Variants in GATA4 observed in about 807,000 individuals in gnomAD.
GATA4 encodes the protein transcription factor GATA-4.
Under a neutral mutation model 37.9 loss-of-function variants are expected in GATA4, and 7 were observed. The observed-to-expected ratio is 0.18, with a 90% CI of 0.11 to 0.35. GATA4 has a LOEUF of 0.35. Among genes scored for constraint, GATA4 ranks in the 10% least tolerant of loss-of-function variants. GATA4 has a pLI of 1.00. For synonymous variants in GATA4, 372 were observed against 292.6 expected, an observed-to-expected ratio of 1.27 and a Z score of -2.77; for missense variants, 647 against 653.0, an observed-to-expected ratio of 0.99 and a Z score of 0.10.
intron 5 of GATA4, chr8:11,756,614 G>T (rs1001770989): frequency 9.3e-6 from 4 of 427,846 alleles, no homozygotes; most frequent in African/African-American, 8.1e-5. Context: ...ATTATCTCAG[G>T]CCCTGCTGGA....
chr8:11,681,527 G>C lies in GATA4; in HGVS notation c.-274+4464G>C, dbSNP rs1055975105. ...GGGGGGGATGGGGTCGGTCCCTCTCGGGAACGGCTGCTGTTGTTTCTTTAG... is the reference window on the plus strand; with the variant it reads ...GGGGGGGATGGGGTCGGTCCCTCTCCGGAACGGCTGCTGTTGTTTCTTTAG... On this transcript the variant is annotated intron_variant, in intron 1 of 6. Transcript: ENST00000528712. 15 of 913,964 alleles carry C rather than the reference G, an allele frequency of 1.6e-5. No homozygotes were observed. In the South Asian group the frequency reaches 7.1e-4, roughly 43 times the overall value. The allele number at this position is 913,964 out of a possible 1,614,324, so 56.6% of individuals were successfully genotyped here.
chr8:11,693,600 G>GACA (rs1799410072), intron 1 of GATA4, among the ~76,000 whole-genome samples: 1 of 146,124 alleles, frequency 6.8e-6, no homozygotes, highest in African/African-American at 2.6e-5. Flanking sequence ...GAGAGACAGA[G>GACA]GATTGATTCA....
chr8:11,683,485 C>G (rs985009398), intron 1 of GATA4, among the ~76,000 whole-genome samples: 3 of 152,146 alleles, frequency 2.0e-5, no homozygotes, highest in African/African-American at 7.2e-5. Flanking sequence ...TTCAAACTCA[C>G]CCATCAAGGG....
chr8:11,714,452 C>T (rs979064210), intron 2 of GATA4, among the ~76,000 whole-genome samples: 22 of 152,206 alleles, frequency 1.4e-4, no homozygotes, highest in African/African-American at 4.8e-4. Context: ...CTTTCAAAGC[C>T]GGTTCATTTG....
At chr8:11,722,944 A>G (rs1215790039) in intron 2 of GATA4, among the ~76,000 whole-genome samples, 2 of 152,370 alleles carry the variant, frequency 1.3e-5, no homozygotes, top group Non-Finnish European at 1.5e-5. Context: ...GGCAGGATAC[A>G]TGCCTGCTAC....
chr8:11,736,752 G>C (rs566271196), intron 2 of GATA4, among the ~76,000 whole-genome samples: 6 of 152,300 alleles, frequency 3.9e-5, no homozygotes, highest in Middle Eastern at 3.4e-3. Context: ...AGTGACAGAA[G>C]AATCACTGGT....
chr8:11,751,348 G>A (rs1293823780), intron 4 of GATA4, among the ~76,000 whole-genome samples: 1 of 152,158 alleles, frequency 6.6e-6, no homozygotes, highest in African/African-American at 2.4e-5. Context: ...ATAATTTATA[G>A]GTGGTTGCTT....
intron 4 of GATA4, among the ~76,000 whole-genome samples, chr8:11,751,306 A>G (rs1284383369): frequency 6.6e-6 from 1 of 152,216 alleles, no homozygotes; most frequent in Non-Finnish European, 1.5e-5. Context: ...ACTACCTACT[A>G]TGGCACTATT....
At position 11,751,260 on chromosome 8, in the gene GATA4, A is replaced by G. The variant is rs78141752; in HGVS notation, c.912+1024A>G. On this transcript the variant is annotated intron_variant, in intron 4 of 6. Coordinates refer to ENST00000532059, the MANE Select transcript of GATA4 (RefSeq NM_001308093.3). ...TTTAATTTTTATTGGAACATTCTCC[A>G]TTATACAATATTAACAAAAAGGCAA... 2.6e-3 allele frequency among the ~76,000 whole-genome samples: 399 copies of G among 152,344 alleles called. 20 individuals are homozygous for G. The East Asian group carries it at 0.07, about 27-fold the overall frequency.
Position 11,757,085 on chromosome 8 carries a change from T to C in GATA4, c.1149+2T>C. On this transcript the variant is annotated splice_donor_variant, in intron 6 of 6. Transcript: ENST00000532059. LOFTEE classifies it high-confidence loss of function. Reference sequence around the variant, plus strand: ...GGGCACAGCAGCTCCGTGTCCCAGGTACGCGCCATGGCTGGGGCGCCAGGG... The same window carrying C: ...GGGCACAGCAGCTCCGTGTCCCAGGCACGCGCCATGGCTGGGGCGCCAGGG... The C allele has an allele frequency of 1.9e-6, 3 of 1,613,742 alleles. No homozygotes were observed. The highest frequency in any genetic ancestry group is 2.5e-6 in the Non-Finnish European group (3 of 1,179,716).
intron 2 of GATA4, among the ~76,000 whole-genome samples, chr8:11,716,748 C>T (rs192905153): frequency 1.1e-3 from 171 of 152,308 alleles, no homozygotes; most frequent in African/African-American, 4.0e-3. Flanking sequence ...AACCACTAAC[C>T]GGCTGCAGCG....
intron 1 of GATA4, chr8:11,681,361 C>A (rs1184227098): frequency 1.0e-6 from 1 of 985,250 alleles, no homozygotes; most frequent in Non-Finnish European, 1.2e-6. Flanking sequence ...GCACTCGTCC[C>A]CCTAGGTCTC....
intron 1 of GATA4, among the ~76,000 whole-genome samples, chr8:11,705,363 C>A (rs547978940): frequency 6.6e-6 from 1 of 152,202 alleles, no homozygotes; most frequent in Non-Finnish European, 1.5e-5. Context: ...AGCGTGCGAC[C>A]GTCCTCCTCG....
At chr8:11,700,105 C>T (rs1799625071), upstream of GATA4, among the ~76,000 whole-genome samples, 1 of 152,152 alleles carries the variant, frequency 6.6e-6, no homozygotes, top group Non-Finnish European at 1.5e-5. Context: ...ACCGTCTTTC[C>T]CTTCCTCTTG....
chr8:11,729,845 ATTAG>A (rs1320725607), intron 2 of GATA4, among the ~76,000 whole-genome samples: 2 of 152,202 alleles, frequency 1.3e-5, no homozygotes, highest in African/African-American at 4.8e-5. Context: ...GGAGTTACTT[ATTAG>A]TTAGTCGTTA....
chr8:11,685,212 A>T lies in GATA4; in HGVS notation c.-274+8149A>T, dbSNP rs557601743. Among the ~76,000 whole-genome samples the T allele has an allele frequency of 4.1e-4, 63 of 152,360 alleles. 2 individuals are homozygous for T. Among genetic ancestry groups the T allele is most frequent in the African/African-American group, 1.4e-3 (59 of 41,586 alleles). On this transcript the variant is annotated intron_variant, in intron 1 of 6. Coordinates refer to the GATA4 transcript ENST00000528712. Reference sequence around the variant, plus strand: ...TTATGTTTTCTTAAGATATTCAATGACATGGGAAGTCTCGATTCTTAAGAA... The same window carrying T: ...TTATGTTTTCTTAAGATATTCAATGTCATGGGAAGTCTCGATTCTTAAGAA...
chr8:11,708,548 G>A lies in GATA4; in HGVS notation c.236G>A (p.Gly79Glu). Reference sequence around the variant, plus strand: ...TCCGGTGGGGCCGCGTCTGGTGCGGGGCCCGGGACCCAGCAGGGCAGCCCG... The same window carrying A: ...TCCGGTGGGGCCGCGTCTGGTGCGGAGCCCGGGACCCAGCAGGGCAGCCCG... ...GSSGGAASGA[G>E]PGTQQGSPGW... is the part of the protein sequence containing the mutation. Residue 79 changes from glycine (G) to glutamate (E), a missense_variant, in exon 2 of 7, where the codon GGG becomes GAG. By Grantham distance (98) the Gly-to-Glu change is moderately conservative. Transcript: ENST00000532059. The surrounding 1 kb of genome is among the most constrained non-coding windows in gnomAD (Gnocchi z 6.7). 1 of 1,416,670 alleles carries A rather than the reference G, an allele frequency of 7.1e-7. No homozygotes were observed. The highest frequency in any genetic ancestry group is 9.1e-7 in the Non-Finnish European group (1 of 1,093,178). The allele number at this position is 1,416,670 out of a possible 1,614,324, so 87.8% of individuals were successfully genotyped here. A position where few individuals can be genotyped will look rare whatever the true frequency, so the allele number is the denominator to read the frequency against.
chr8:11,748,015 G>T (rs976352414), intron 2 of GATA4, among the ~76,000 whole-genome samples: 4 of 151,762 alleles, frequency 2.6e-5, no homozygotes, highest in Admixed American at 6.6e-5. Context: ...ACCATTTGAG[G>T]TCAGGAGTTT....
At chr8:11,679,781 G>C (rs1798896134) in intron 1 of GATA4, among the ~76,000 whole-genome samples, 1 of 152,234 alleles carries the variant, frequency 6.6e-6, no homozygotes, top group African/African-American at 2.4e-5. Context: ...TCGGGAGGGA[G>C]ATGGAGACCC....
Sources: gnomAD v4.1 joint callset for allele counts (sites outside exome capture counted in the v4.1 genomes callset) on GRCh38, gnomAD v4.1.1 for gene constraint, Gnocchi (gnomAD v3.1) non-coding constraint, MANE v1.5 for transcripts, NCBI Gene and HGNC (gene_info 2026-07-23, HGNC 2026-07-21) for gene names.